Variants in TMC3 observed in about 807,000 individuals in gnomAD.
The protein encoded by TMC3 is transmembrane channel like 3, also known as transmembrane channel-like protein 3.
Under a neutral mutation model 110.6 loss-of-function variants are expected in TMC3, and 98 were observed. That is an observed-to-expected ratio of 0.89 (90% CI 0.75 to 1.05). TMC3 has a LOEUF of 1.05. Among genes scored for constraint, TMC3 ranks in the 50% least tolerant of loss-of-function variants. TMC3 has a pLI of 0.00. For missense variants in TMC3, 1,319 were observed against 1,373.2 expected (o/e 0.96, Z 0.62); for synonymous variants, 489 against 513.1 (o/e 0.95, Z 0.63).
At chr15:81,343,547 C>T (rs1369791860) in intron 14 of TMC3, among the ~76,000 whole-genome samples, 5 of 151,988 alleles carry the variant, frequency 3.3e-5, no homozygotes, top group Non-Finnish European at 5.9e-5. Context: ...CCCAGCACTT[C>T]GGGAGGCTGA....
Position 81,346,346 on chromosome 15 carries a change from A to G in TMC3, c.1272+19T>C, listed in dbSNP as rs375865174. On this transcript the variant is annotated intron_variant, in intron 12 of 21. Transcript: ENST00000359440. ...GAGGGCAGAGGTGGGGCAGGCAACT[A>G]TCTGGGATGGGCACTCACCTCAATG... 13 of 1,611,948 alleles carry G rather than the reference A, an allele frequency of 8.1e-6. No individual in the cohort carries two copies. In the African/African-American group the frequency reaches 1.2e-4, roughly 15 times the overall value.
intron 3 of TMC3, 108 bp downstream of exon 3, chr15:81,368,145 G>T (rs1894356778): frequency 1.3e-6 from 1 of 777,604 alleles, no homozygotes; most frequent in South Asian, 1.5e-5. Context: ...GTGTTAGCCA[G>T]GATGGTCTTG....
At chr15:81,355,855 C>T (rs964551207) in intron 8 of TMC3, 87 bp from the exon 9 acceptor site, 1 of 834,718 alleles carries the variant, frequency 1.2e-6, no homozygotes, top group Admixed American at 2.4e-5. Flanking sequence ...TAATTTAGCT[C>T]ATACCTTCAT....
At chr15:81,351,135 G>A (rs767641101) in intron 10 of TMC3, among the ~76,000 whole-genome samples, 1 of 152,208 alleles carries the variant, frequency 6.6e-6, no homozygotes, top group African/African-American at 2.4e-5. Context: ...CAAAGGTAGA[G>A]AACGGTGTAA....
chr15:81,339,125 C>T (rs1200443544), intron 17 of TMC3, among the ~76,000 whole-genome samples: 1 of 152,162 alleles, frequency 6.6e-6, no homozygotes. Flanking sequence ...GTGTTTTGAC[C>T]AGGTAGAATG....
rs564686461 is a variant in TMC3, at chr15:81,344,803, C to T, written c.1481G>A (p.Ser494Asn). Residue 494 changes from serine to asparagine, a missense_variant, in exon 13 of 22, where the codon AGT (serine) becomes AAT (asparagine). Physicochemically the swap from Ser to Asn is conservative, Grantham distance 46. Coordinates refer to ENST00000359440, the MANE Select transcript of TMC3 (RefSeq NM_001080532.3). ...TGTCTCCCAGCACTGGTCTTGTGGA[C>T]TCTGAGTGTGGAGGCTAGTCTTGTT... ...KANKTSLHTQ[S>N]PQDQCWETYV... is the part of the protein sequence containing the mutation. 1 of 1,613,920 alleles carries T rather than the reference C, an allele frequency of 6.2e-7. No homozygotes were observed. The highest frequency in any genetic ancestry group is 1.7e-4 in the Middle Eastern group (1 of 6,056).
intron 21 of TMC3, 67 bp downstream of exon 21, chr15:81,334,653 T>C: frequency 1.3e-6 from 2 of 1,538,638 alleles, no homozygotes; most frequent in Non-Finnish European, 1.8e-6. Context: ...CTTGGCCTCC[T>C]GAAGCTGCAG....
intron 2 of TMC3, among the ~76,000 whole-genome samples, chr15:81,370,980 T>A (rs1002122162): frequency 1.3e-5 from 2 of 151,520 alleles, no homozygotes; most frequent in Non-Finnish European, 2.9e-5. Flanking sequence ...GCCAAGAACC[T>A]ATGTCTTTTT....
intron 20 of TMC3, 54 bp downstream of exon 20, chr15:81,336,554 CA>C: frequency 6.4e-7 from 1 of 1,569,422 alleles, no homozygotes; most frequent in South Asian, 1.1e-5. Flanking sequence ...GGCGACAGAG[CA>C]AGACTCTGCC....
In TMC3 at chr15:81,364,709, A is replaced by T. The variant is rs1019181195; in HGVS notation, c.313-2408T>A. Among the ~76,000 whole-genome samples, 255 of 144,446 alleles carry T rather than the reference A, an allele frequency of 1.8e-3. 1 individual carries two copies. Among genetic ancestry groups the T allele is most frequent in the African/African-American group, 5.8e-3 (213 of 36,922 alleles). The allele number at this position is 144,446 out of a possible 152,430, so 94.8% of individuals were successfully genotyped here. ...AAAAAAAACATTATTCCAAAAAAAA[A>T]AAAATAAAAAATAAAACTGTAATAA... On this transcript the variant is annotated intron_variant, in intron 3 of 21. Transcript: ENST00000359440.
In TMC3 at chr15:81,368,307, C is replaced by G. The variant is rs930251303; in HGVS notation, c.258G>C (p.Leu86=). The G allele has an allele frequency of 6.2e-7, 1 of 1,613,638 alleles. No individual in the cohort carries two copies. The highest frequency in any genetic ancestry group is 1.7e-5 in the Admixed American group (1 of 60,012). ...RALRQAKNIV[L]KFEGRLTRTR... is the part of the protein sequence containing the mutation. ...TCCTGGTCAGCCTCCCTTCAAACTT[C>G]AGCACAATGTTCTTCGCTTGTCTAA... is the stretch of plus-strand genomic sequence containing the variant. Residue 86 remains leucine, a synonymous_variant, in exon 3 of 22, where the codon CTG becomes CTC. Coordinates refer to ENST00000359440, the MANE Select transcript of TMC3 (RefSeq NM_001080532.3).
chr15:81,373,954 C>T (rs1270775114), intron 1 of TMC3, 35 bp downstream of exon 1: 6 of 1,599,202 alleles, frequency 3.8e-6, no homozygotes, highest in East Asian at 4.5e-5. Flanking sequence ...ACACACCTGA[C>T]TCCTCTGCCC....
intron 15 of TMC3, 193 bp downstream of exon 15, chr15:81,343,085 T>G: frequency 2.0e-6 from 1 of 505,624 alleles, no homozygotes; most frequent in Non-Finnish European, 3.5e-6. Flanking sequence ...TTATTTTCTT[T>G]TTAATTTCTT....
rs143929525 is a variant in TMC3 at position 81,351,757 on chromosome 15, C to G, written c.1020G>C (p.Val340=). ...GCTCCAGCTTCTGGGACCGGTCCAC[C>G]ACAAAGTAGATGAGATAAATGCTCC... is the stretch of plus-strand genomic sequence containing the variant. ...LAGSIYLIYF[V]VDRSQKLEQS... Residue 340 remains valine (V), a synonymous_variant, in exon 10 of 22, where the codon GTG becomes GTC. Transcript: ENST00000359440. 5.6e-6 allele frequency: 9 copies of G among 1,596,928 alleles called. No individual in the cohort carries two copies. Among genetic ancestry groups the G allele is most frequent in the Non-Finnish European group, 7.7e-6 (9 of 1,171,822 alleles).
In TMC3 at chr15:81,359,353, G is replaced by A. The variant is rs748677518; in HGVS notation, c.501+12C>T. ...TCTTTGTAATGAGTGGTACTTTCCT[G>A]AAACATCTTACCTCTGGAATGACAA... On this transcript the variant is annotated intron_variant, in intron 5 of 21. Coordinates refer to ENST00000359440, the MANE Select transcript of TMC3 (RefSeq NM_001080532.3). 6.3e-7 allele frequency: 1 copy of A among 1,577,368 alleles called. No homozygotes were observed. Among genetic ancestry groups the A allele is most frequent in the East Asian group, 2.3e-5 (1 of 44,244 alleles).
At chr15:81,349,119 C>T (rs943271873) in intron 11 of TMC3, among the ~76,000 whole-genome samples, 1 of 152,196 alleles carries the variant, frequency 6.6e-6, no homozygotes, top group African/African-American at 2.4e-5. Flanking sequence ...GCGTGAGCCA[C>T]CACGCCCGAC....
chr15:81,336,253 C>T (rs1157132957), intron 20 of TMC3: 1 of 183,276 alleles, frequency 5.5e-6, no homozygotes, highest in East Asian at 1.5e-4. Flanking sequence ...CTAACTGAGA[C>T]AGCAGATCTC....
At chr15:81,370,676 ATTTC>A (rs1256979729) in intron 2 of TMC3, among the ~76,000 whole-genome samples, 30 of 141,252 alleles carry the variant, frequency 2.1e-4, no homozygotes, top group African/African-American at 8.9e-4. Flanking sequence ...AATAGAAACT[ATTTC>A]TTTTTTTTTT....
At chr15:81,342,542 A>T (rs1368800797) in intron 15 of TMC3, among the ~76,000 whole-genome samples, 1 of 152,226 alleles carries the variant, frequency 6.6e-6, no homozygotes, top group East Asian at 1.9e-4. Flanking sequence ...ATTTGTAAAG[A>T]TATTTTGCAA....
Sources: allele counts gnomAD v4.1 joint callset (sites outside exome capture counted in the v4.1 genomes callset), GRCh38; gene constraint gnomAD v4.1.1; transcripts MANE v1.5; gene names NCBI Gene and HGNC (gene_info 2026-07-23, HGNC 2026-07-21).